Variants in CAMK4 observed in about 807,000 individuals in gnomAD.
CAMK4 encodes the protein calcium/calmodulin dependent protein kinase IV.
A neutral mutation model predicts 44.9 loss-of-function variants in CAMK4; 22 were observed. The observed-to-expected ratio is 0.49, with a 90% CI of 0.35 to 0.70. CAMK4 has a LOEUF of 0.70. Ranked by LOEUF, CAMK4 falls within the 30% of genes least tolerant of loss-of-function variation. CAMK4 has a pLI of 0.01. For missense variants in CAMK4, 498 were observed against 586.8 expected (o/e 0.85, Z 1.56); for synonymous variants, 218 against 215.4 (o/e 1.01, Z -0.11).
At chr5:111,414,216 C>T (rs746175707) in intron 5 of CAMK4, among the ~76,000 whole-genome samples, 22 of 152,128 alleles carry the variant, frequency 1.4e-4, no homozygotes, top group Non-Finnish European at 2.4e-4. Flanking sequence ...TTTGTTACTC[C>T]CAAAGCACAG....
At chr5:111,258,782 T>C (rs190485075) in intron 1 of CAMK4, among the ~76,000 whole-genome samples, 14 of 147,556 alleles carry the variant, frequency 9.5e-5, no homozygotes, top group Admixed American at 6.9e-5. Flanking sequence ...TGTGTGTGTG[T>C]GCAGTCTTAG....
At chr5:111,441,168 G>A (rs1033922854) in intron 5 of CAMK4, among the ~76,000 whole-genome samples, 1 of 152,042 alleles carries the variant, frequency 6.6e-6, no homozygotes, top group Non-Finnish European at 1.5e-5. Context: ...CTCAATATAC[G>A]TATTTCTGTC....
chr5:111,230,939 G>A (rs1312458890), intron 1 of CAMK4, among the ~76,000 whole-genome samples: 1 of 151,980 alleles, frequency 6.6e-6, no homozygotes, highest in Admixed American at 6.6e-5. Flanking sequence ...TGGTGTTTGA[G>A]GCAAGGAACC....
chr5:111,296,173 A>G (rs1747476402), intron 1 of CAMK4, among the ~76,000 whole-genome samples: 2 of 152,214 alleles, frequency 1.3e-5, no homozygotes, highest in African/African-American at 4.8e-5. Context: ...GGTATGGCAA[A>G]TATCAGTGTA....
chr5:111,350,789 C>A (rs745896208), intron 2 of CAMK4, among the ~76,000 whole-genome samples: 1 of 152,020 alleles, frequency 6.6e-6, no homozygotes, highest in Non-Finnish European at 1.5e-5. Flanking sequence ...TTATTCTCTT[C>A]TCAGTTAATC....
At chr5:111,355,567 AT>A (rs1250352671) in intron 2 of CAMK4, among the ~76,000 whole-genome samples, 22 of 150,638 alleles carry the variant, frequency 1.5e-4, no homozygotes, top group Admixed American at 1.5e-3. Flanking sequence ...TTAGTTACAT[AT>A]GTATACATGT....
intron 5 of CAMK4, among the ~76,000 whole-genome samples, chr5:111,414,563 C>G (rs1322887974): frequency 6.6e-6 from 1 of 151,900 alleles, no homozygotes; most frequent in Non-Finnish European, 1.5e-5. Flanking sequence ...GGCAATAAGA[C>G]ATGACATAGA....
At chr5:111,445,336 A>G (rs1016076485) in intron 5 of CAMK4, among the ~76,000 whole-genome samples, 3 of 152,218 alleles carry the variant, frequency 2.0e-5, no homozygotes, top group Non-Finnish European at 2.9e-5. Context: ...AATTGTATTA[A>G]TGATATATAT....
chr5:111,350,772 GA>G (rs1252682919), intron 2 of CAMK4, among the ~76,000 whole-genome samples: 10 of 152,018 alleles, frequency 6.6e-5, no homozygotes, highest in African/African-American at 2.2e-4. Flanking sequence ...ATGTTGGTTT[GA>G]TTTTTTTATT....
At chr5:111,284,984 T>C (rs1254602778) in intron 1 of CAMK4, among the ~76,000 whole-genome samples, 1 of 152,258 alleles carries the variant, frequency 6.6e-6, no homozygotes, top group East Asian at 1.9e-4. Context: ...CTATGTCATA[T>C]GCTACACATC....
At position 111,224,715 on chromosome 5, in the gene CAMK4, C is replaced by T. The variant is rs2290679; in HGVS notation, c.161+71C>T. The T allele has an allele frequency of 0.013, 18,388 of 1,460,084 alleles. 319 individuals are homozygous for T. Among genetic ancestry groups the T allele is most frequent in the East Asian group, 0.1 (4,049 of 40,592 alleles). 90.4% of individuals were successfully genotyped at this position (1,460,084 alleles called of 1,614,324 possible). On this transcript the variant is annotated intron_variant, in intron 1 of 10. Coordinates refer to ENST00000282356, the MANE Select transcript of CAMK4 (RefSeq NM_001744.6). This position sits in a 1 kb window ranked among gnomAD's most constrained non-coding sequence, Gnocchi z 5.7. Reference sequence around the variant, plus strand: ...GGTTGTCCCTCTCGCAGCGACGGCTCGGAGGGTGCGGGAGCCTGCCTTCGT... The same window carrying T: ...GGTTGTCCCTCTCGCAGCGACGGCTTGGAGGGTGCGGGAGCCTGCCTTCGT...
chr5:111,420,794 C>T lies in CAMK4; in HGVS notation c.460-25892C>T, dbSNP rs567685869. Among the ~76,000 whole-genome samples the T allele has an allele frequency of 7.9e-5, 12 of 152,310 alleles. 1 individual carries two copies. The highest frequency in any genetic ancestry group is 4.6e-4 in the Admixed American group (7 of 15,304). ...GGCTCTGTTCCGCCCAGCTCACCGG[C>T]GGTCAGAGTTTAAGGTTATCTCTCT... On this transcript the variant is annotated intron_variant, in intron 5 of 10. Transcript: ENST00000282356.
At chr5:111,334,247 G>A (rs1749299901) in intron 1 of CAMK4, among the ~76,000 whole-genome samples, 1 of 151,540 alleles carries the variant, frequency 6.6e-6, no homozygotes, top group African/African-American at 2.4e-5. Flanking sequence ...CATTCTTCAC[G>A]TTGTAGACTG....
intron 1 of CAMK4, among the ~76,000 whole-genome samples, chr5:111,338,706 A>T (rs546777878): frequency 2.6e-5 from 4 of 151,488 alleles, no homozygotes; most frequent in African/African-American, 7.2e-5. Flanking sequence ...AGCACCATTT[A>T]TTGAATAGGG....
rs28485932 is a variant in CAMK4 at position 111,468,027 on chromosome 5, T to G, written c.626-5284T>G. On this transcript the variant is annotated intron_variant, in intron 7 of 10. Transcript: ENST00000282356. ...TGAAATAATGACATTTGCAGCAACC[T>G]GGATGGAGTTAGAGACCATTATTGT... Among the ~76,000 whole-genome samples the G allele has an allele frequency of 4.0e-3, 605 of 151,874 alleles. 3 individuals carry two copies. The highest frequency in any genetic ancestry group is 0.014 in the African/African-American group (589 of 41,416).
chr5:111,476,242 TG>T (rs1393279803), intron 8 of CAMK4, among the ~76,000 whole-genome samples: 549 of 7,036 alleles, frequency 0.078, 4 homozygotes, highest in South Asian at 0.37. Context: ...TGCTTCTTTG[TG>T]TGTGTGTGTG....
At chr5:111,415,742 G>A (rs1207427159) in intron 5 of CAMK4, among the ~76,000 whole-genome samples, 1 of 152,144 alleles carries the variant, frequency 6.6e-6, no homozygotes, top group Non-Finnish European at 1.5e-5. Flanking sequence ...ATTTGATACA[G>A]TGGGTCCTCT....
chr5:111,413,256 A>G (rs17596979), intron 5 of CAMK4, among the ~76,000 whole-genome samples: 1,829 of 152,306 alleles, frequency 0.012, 78 homozygotes, highest in East Asian at 0.097. Flanking sequence ...AAATTGTCAT[A>G]TAAAAGGTTT....
At chr5:111,473,659 G>C (rs1755142661) in intron 8 of CAMK4, among the ~76,000 whole-genome samples, 1 of 152,110 alleles carries the variant, frequency 6.6e-6, no homozygotes, top group African/African-American at 2.4e-5. Flanking sequence ...TTTATTACTT[G>C]ACACTAGTAA....
Sources: gnomAD v4.1 joint callset for allele counts (sites outside exome capture counted in the v4.1 genomes callset) on GRCh38, gnomAD v4.1.1 for gene constraint, Gnocchi (gnomAD v3.1) non-coding constraint, MANE v1.5 for transcripts, NCBI Gene and HGNC (gene_info 2026-07-23, HGNC 2026-07-21) for gene names.